POMP: variants seen among roughly 807,000 people sequenced by gnomAD.
POMP encodes proteasome maturation protein.
In POMP, 12 loss-of-function variants were observed where a neutral mutation model predicts 20.6. The observed-to-expected ratio is 0.58, with a 90% CI of 0.37 to 0.94. The LOEUF (loss-of-function observed/expected upper bound fraction) is 0.94, where lower values mean the gene tolerates loss of function less well. POMP is among the 40% of genes least tolerant of loss of function. The pLI, the probability that POMP is intolerant of heterozygous loss-of-function variation, is 0.01. For missense variants in POMP, 136 were observed against 161.1 expected (o/e 0.84, Z 0.84); for synonymous variants, 53 against 55.0 (o/e 0.96, Z 0.16).
chr13:28,668,725 A>G (rs1301192321), intron 4 of POMP, 151 bp downstream of exon 4: 4 of 667,412 alleles, frequency 6.0e-6, no homozygotes, highest in Non-Finnish European at 1.0e-5. Flanking sequence ...TACTTCATAG[A>G]GGGAAAAAAG....
At chr13:28,664,813 C>T (rs556837392) in intron 3 of POMP, among the ~76,000 whole-genome samples, 1 of 152,218 alleles carries the variant, frequency 6.6e-6, no homozygotes, top group East Asian at 1.9e-4. Flanking sequence ...CTTCTCCATT[C>T]CTCTCACAGG....
chr13:28,668,589 C>G lies in POMP; in HGVS notation c.264+15C>G, dbSNP rs1319109686. 5.8e-6 allele frequency: 9 copies of G among 1,540,698 alleles called. No homozygotes were observed. The highest frequency in any genetic ancestry group is 1.1e-5 in the South Asian group (1 of 89,490). On this transcript the variant is annotated intron_variant, in intron 4 of 5. Coordinates refer to ENST00000380842, the MANE Select transcript of POMP (RefSeq NM_015932.6). ...CAGTGCAGCAGGTGAGTTGATGGAT[C>G]TCTGTTGCATATGTGTCGATATCAT... is the stretch of plus-strand genomic sequence containing the variant.
At position 28,678,676 on chromosome 13, in the gene POMP, A is replaced by C. The variant is rs1313692467; in HGVS notation, c.*574A>C. 1 of 153,064 alleles carries C rather than the reference A, an allele frequency of 6.5e-6. No individual in the cohort carries two copies. Among genetic ancestry groups the C allele is most frequent in the Non-Finnish European group, 1.5e-5 (1 of 68,674 alleles). The allele number at this position is 153,064 out of a possible 1,614,324, so 9.5% of individuals were successfully genotyped here. A position where few individuals can be genotyped will look rare whatever the true frequency, so the allele number is the denominator to read the frequency against. ...GATTTTGGTCTGGTCTTTAAGTGAAAAATTAAAGCAACCAGTAGATGTAGG... is the reference window on the plus strand; with the variant it reads ...GATTTTGGTCTGGTCTTTAAGTGAACAATTAAAGCAACCAGTAGATGTAGG... On this transcript the variant is annotated 3_prime_UTR_variant, in exon 6 of 6. Transcript: ENST00000380842.
intron 2 of POMP, 71 bp from the exon 3 acceptor site, chr13:28,664,438 A>C: frequency 9.8e-7 from 1 of 1,015,808 alleles, no homozygotes; most frequent in Non-Finnish European, 1.5e-6. Context: ...CTTTATAGAT[A>C]TGATTTTGAG....
chr13:28,678,604 T>C lies in POMP; in HGVS notation c.*502T>C, dbSNP rs1884672341. 6.5e-6 allele frequency: 1 copy of C among 154,646 alleles called. No individual in the cohort carries two copies. 9.6% of individuals were successfully genotyped at this position (154,646 alleles called of 1,614,324 possible). ...TGTCAGTGCTATTTTAGGATTATAGTTATTGTTTGATTATTTCAGGTTGAA... is the reference window on the plus strand; with the variant it reads ...TGTCAGTGCTATTTTAGGATTATAGCTATTGTTTGATTATTTCAGGTTGAA... On this transcript the variant is annotated 3_prime_UTR_variant, in exon 6 of 6. Coordinates refer to ENST00000380842, the MANE Select transcript of POMP (RefSeq NM_015932.6).
At chr13:28,671,059 A>G (rs996776053) in intron 4 of POMP, among the ~76,000 whole-genome samples, 5 of 152,178 alleles carry the variant, frequency 3.3e-5, no homozygotes, top group African/African-American at 1.2e-4. Flanking sequence ...AAAAAAAATA[A>G]TAATAAGATA....
Position 28,678,323 on chromosome 13 carries a change from AG to A in POMP, c.*222del. 1.9e-6 allele frequency: 1 copy of A among 524,054 alleles called. No homozygotes were observed. The highest frequency in any genetic ancestry group is 3.3e-5 in the East Asian group (1 of 30,302). The allele number at this position is 524,054 out of a possible 1,614,324, so 32.5% of individuals were successfully genotyped here. The stretch of plus-strand genomic sequence containing the variant: ...TAAAGCTCTTAATTTATATTAAAAC[AG>A]TAGCCTTTGTCTTTAAAAAAGTTGT... On this transcript the variant is annotated 3_prime_UTR_variant, in exon 6 of 6. Transcript: ENST00000380842.
intron 1 of POMP, among the ~76,000 whole-genome samples, chr13:28,661,698 C>G (rs1884344574): frequency 6.6e-6 from 1 of 152,154 alleles, no homozygotes; most frequent in East Asian, 1.9e-4. Context: ...GTCTTTTTTA[C>G]TTTGTTTTAT....
intron 2 of POMP, 55 bp downstream of exon 2, chr13:28,662,562 T>C: frequency 7.1e-7 from 1 of 1,408,060 alleles, no homozygotes; most frequent in Non-Finnish European, 1.0e-6. Context: ...ATTTTCACAA[T>C]ATTCTTTAAG....
At chr13:28,672,636 C>T (rs1217880781) in intron 5 of POMP, among the ~76,000 whole-genome samples, 5 of 152,074 alleles carry the variant, frequency 3.3e-5, no homozygotes, top group South Asian at 4.1e-4. Context: ...CGGTGGCTCA[C>T]GTGTAATCCC....
rs1389472996 is a variant in POMP, at chr13:28,672,383, T to C, written c.309T>C (p.Asp103=). ...TTTCAAGCTCAAATCTTTCACTGGA[T>C]GTTTTGAGGGGTAATGATGAGACTA... ...PFLSSSNLSL[D]VLRGNDETIG... Residue 103 remains aspartate, a synonymous_variant, in exon 5 of 6, where the codon GAT becomes GAC. Transcript: ENST00000380842. The C allele has an allele frequency of 2.8e-5, 45 of 1,611,042 alleles. No homozygotes were observed. Among genetic ancestry groups the C allele is most frequent in the Non-Finnish European group, 3.5e-5 (41 of 1,177,336 alleles).
chr13:28,672,270 T>TA (rs1464449158), intron 4 of POMP, 69 bp from the exon 5 acceptor site: 1 of 1,188,840 alleles, frequency 8.4e-7, no homozygotes, highest in African/African-American at 1.5e-5. Context: ...AACATGAAAT[T>TA]AGACTATATA....
chr13:28,678,268 A>T lies in POMP; in HGVS notation c.*166A>T. ...GGGGTCTTTGGTTTACAGCCATGTG[A>T]CAATTAAAAGCACTAAAGGGAGATC... On this transcript the variant is annotated 3_prime_UTR_variant, in exon 6 of 6. Transcript: ENST00000380842. 1 of 689,108 alleles carries T rather than the reference A, an allele frequency of 1.5e-6. No homozygotes were observed. The highest frequency in any genetic ancestry group is 1.6e-5 in the South Asian group (1 of 63,850). The allele number at this position is 689,108 out of a possible 1,614,324, so 42.7% of individuals were successfully genotyped here.
chr13:28,676,882 T>C (rs1241999144), intron 5 of POMP, among the ~76,000 whole-genome samples: 1 of 152,200 alleles, frequency 6.6e-6, no homozygotes, highest in Non-Finnish European at 1.5e-5. Context: ...CACGGCGAGC[T>C]TGTGGTACAA....
At chr13:28,665,896 G>C (rs1884437011) in intron 3 of POMP, among the ~76,000 whole-genome samples, 1 of 152,202 alleles carries the variant, frequency 6.6e-6, no homozygotes, top group Admixed American at 6.5e-5. Context: ...AGAGAACGGT[G>C]ATTAGGGAAT....
chr13:28,664,843 G>A (rs962907750), intron 3 of POMP, among the ~76,000 whole-genome samples: 2 of 151,952 alleles, frequency 1.3e-5, no homozygotes, highest in East Asian at 1.9e-4. Context: ...TTTCAATAAT[G>A]CTGTTTCTTT....
intron 3 of POMP, among the ~76,000 whole-genome samples, chr13:28,667,340 A>G (rs1334163821): frequency 6.6e-6 from 1 of 152,192 alleles, no homozygotes; most frequent in Non-Finnish European, 1.5e-5. Context: ...GTAGTGCTCT[A>G]TAATCGTGCC....
At chr13:28,673,821 T>G (rs1566110648) in intron 5 of POMP, among the ~76,000 whole-genome samples, 1 of 152,224 alleles carries the variant, frequency 6.6e-6, no homozygotes, top group East Asian at 1.9e-4. Flanking sequence ...GGAGCATTTA[T>G]CTAGTCAGTC....
chr13:28,668,712 T>G, intron 4 of POMP, 138 bp downstream of exon 4: 1 of 711,504 alleles, frequency 1.4e-6, no homozygotes, highest in Non-Finnish European at 2.4e-6. Context: ...TGACCTTGAT[T>G]TCTACTTCAT....
Sources: gnomAD v4.1 joint callset for allele counts (sites outside exome capture counted in the v4.1 genomes callset) on GRCh38, gnomAD v4.1.1 for gene constraint, MANE v1.5 for transcripts, NCBI Gene and HGNC (gene_info 2026-07-23, HGNC 2026-07-21) for gene names.